Variants in PBX3 observed in about 807,000 individuals in gnomAD.
PBX3 encodes PBX homeobox 3.
PBX3 carries 14 observed loss-of-function variants against 48.5 expected under a neutral mutation model. That is an observed-to-expected ratio of 0.29 (90% CI 0.19 to 0.45). PBX3 has a LOEUF of 0.45. Ranked by LOEUF, PBX3 falls within the 20% of genes least tolerant of loss-of-function variation. The pLI is 1.00. For synonymous variants in PBX3, 210 were observed against 200.3 expected, an observed-to-expected ratio of 1.05 and a Z score of -0.41; for missense variants, 386 against 546.7, an observed-to-expected ratio of 0.71 and a Z score of 2.93.
intron 2 of PBX3, among the ~76,000 whole-genome samples, chr9:125,859,697 G>A (rs1839812495): frequency 6.6e-6 from 1 of 152,164 alleles, no homozygotes; most frequent in South Asian, 2.1e-4. Flanking sequence ...CAGTGTAAAA[G>A]GTGATCAATA....
intron 2 of PBX3, among the ~76,000 whole-genome samples, chr9:125,818,330 C>CTT (rs879666640): frequency 2.1e-5 from 3 of 143,204 alleles, no homozygotes; most frequent in African/African-American, 7.6e-5. Context: ...CATAACCATA[C>CTT]TTTTTTTTTT....
chr9:125,960,164 G>C lies in PBX3; in HGVS notation c.844-520G>C, dbSNP rs148623486. On this transcript the variant is annotated intron_variant, in intron 5 of 8. Coordinates refer to ENST00000373489, the MANE Select transcript of PBX3 (RefSeq NM_006195.6). Reference sequence around the variant, plus strand: ...CAGAGCTTGAGCAGCCATCTTGGCAGACATGCAGTATTTTCTGAGGCAAAA... The same window carrying C: ...CAGAGCTTGAGCAGCCATCTTGGCACACATGCAGTATTTTCTGAGGCAAAA... 5.9e-3 allele frequency among the ~76,000 whole-genome samples: 903 copies of C among 152,364 alleles called. 6 individuals carry two copies. The highest frequency in any genetic ancestry group is 0.017 in the Middle Eastern group (5 of 294).
At chr9:125,905,469 AT>A (rs1479483227) in intron 2 of PBX3, among the ~76,000 whole-genome samples, 1 of 151,972 alleles carries the variant, frequency 6.6e-6, no homozygotes, top group Non-Finnish European at 1.5e-5. Context: ...TCAAAGGGAG[AT>A]TAAATCTATG....
intron 2 of PBX3, among the ~76,000 whole-genome samples, chr9:125,894,798 T>C (rs1454187345): frequency 6.6e-6 from 1 of 152,106 alleles, no homozygotes; most frequent in Non-Finnish European, 1.5e-5. Flanking sequence ...CACCTCTGTT[T>C]TTATTGAGGA....
chr9:125,772,746 T>C (rs1297738267), intron 2 of PBX3, among the ~76,000 whole-genome samples: 2 of 151,748 alleles, frequency 1.3e-5, no homozygotes, highest in Non-Finnish European at 2.9e-5. Context: ...ATTGCTGTTA[T>C]CTTATCTATT....
intron 2 of PBX3, among the ~76,000 whole-genome samples, chr9:125,777,581 C>G (rs560771289): frequency 6.7e-6 from 1 of 149,566 alleles, no homozygotes; most frequent in Non-Finnish European, 1.5e-5. Flanking sequence ...CCAGGCTGGT[C>G]GCAAACTCCT....
chr9:125,953,766 A>G (rs1029026979), intron 5 of PBX3, among the ~76,000 whole-genome samples: 2 of 122,482 alleles, frequency 1.6e-5, no homozygotes, highest in African/African-American at 2.5e-5. Context: ...TTTTAGCCCA[A>G]AAAAAGTCTT....
intron 3 of PBX3, among the ~76,000 whole-genome samples, chr9:125,926,293 G>A (rs1841573636): frequency 1.3e-5 from 2 of 152,170 alleles, no homozygotes; most frequent in Non-Finnish European, 2.9e-5. Flanking sequence ...GCCAAGGTGG[G>A]CGGATCACTT....
intron 2 of PBX3, chr9:125,749,251 T>C (rs1836299029): frequency 6.6e-6 from 1 of 152,222 alleles, no homozygotes; most frequent in South Asian, 2.1e-4. Flanking sequence ...TATAAAAAGG[T>C]CTACAGATGC....
At chr9:125,867,259 A>G (rs933968622) in intron 2 of PBX3, among the ~76,000 whole-genome samples, 1 of 152,188 alleles carries the variant, frequency 6.6e-6, no homozygotes, top group African/African-American at 2.4e-5. Flanking sequence ...TGAATAAAAG[A>G]ATAGAAGCCA....
At chr9:125,896,253 C>T (rs944433360) in intron 2 of PBX3, among the ~76,000 whole-genome samples, 6 of 151,882 alleles carry the variant, frequency 4.0e-5, no homozygotes, top group African/African-American at 1.5e-4. Flanking sequence ...GCCTTATGTA[C>T]CTATTTCACA....
At position 125,953,798 on chromosome 9, in the gene PBX3, G is replaced by A. The variant is rs117933304; in HGVS notation, c.844-6886G>A. Among the ~76,000 whole-genome samples, 436 of 152,292 alleles carry A rather than the reference G, an allele frequency of 2.9e-3. 3 individuals are homozygous for A. Among genetic ancestry groups the A allele is most frequent in the Non-Finnish European group, 3.9e-3 (265 of 68,032 alleles). On this transcript the variant is annotated intron_variant, in intron 5 of 8. Transcript: ENST00000373489. ...TCTTTACGCATACCCAGTATGAGGG[G>A]TTCCCATGCTGTGCTCACATAGAGA...
At chr9:125,767,788 G>C (rs1031050995) in intron 2 of PBX3, among the ~76,000 whole-genome samples, 4 of 152,148 alleles carry the variant, frequency 2.6e-5, no homozygotes, top group African/African-American at 9.7e-5. Flanking sequence ...TAGTGGATCT[G>C]CTTTCTACCC....
At chr9:125,855,172 GCAAGAACTTAAAA>G (rs1839688150) in intron 2 of PBX3, among the ~76,000 whole-genome samples, 1 of 152,142 alleles carries the variant, frequency 6.6e-6, no homozygotes, top group African/African-American at 2.4e-5. Flanking sequence ...GATCTCATCT[GCAAGAACTTAAAA>G]CAAAACTAAG....
chr9:125,910,048 G>A (rs1841166989), intron 2 of PBX3, among the ~76,000 whole-genome samples: 1 of 152,150 alleles, frequency 6.6e-6, no homozygotes, highest in African/African-American at 2.4e-5. Context: ...GAAGGAAATG[G>A]AGGTGTGGAG....
At chr9:125,793,768 G>A (rs1458670105) in intron 2 of PBX3, among the ~76,000 whole-genome samples, 1 of 152,106 alleles carries the variant, frequency 6.6e-6, no homozygotes, top group Non-Finnish European at 1.5e-5. Flanking sequence ...TACCATCATT[G>A]CAGTTGGGAT....
chr9:125,952,082 A>G (rs1045831255), intron 5 of PBX3, among the ~76,000 whole-genome samples: 1 of 152,244 alleles, frequency 6.6e-6, no homozygotes, highest in African/African-American at 2.4e-5. Flanking sequence ...TACCATGTAA[A>G]TATGCTGCCA....
chr9:125,942,951 C>T (rs993825724), intron 5 of PBX3, among the ~76,000 whole-genome samples: 2 of 152,130 alleles, frequency 1.3e-5, no homozygotes, highest in African/African-American at 4.8e-5. Context: ...CAATCAGTAC[C>T]ATGATTGGTG....
At chr9:125,816,714 G>A (rs545928488) in intron 2 of PBX3, among the ~76,000 whole-genome samples, 1 of 152,212 alleles carries the variant, frequency 6.6e-6, no homozygotes, top group African/African-American at 2.4e-5. Flanking sequence ...GGTTGTGTCT[G>A]TCCTCAAGTT....
Sources: gnomAD v4.1 joint callset for allele counts (sites outside exome capture counted in the v4.1 genomes callset) on GRCh38, gnomAD v4.1.1 for gene constraint, MANE v1.5 for transcripts, NCBI Gene and HGNC (gene_info 2026-07-23, HGNC 2026-07-21) for gene names.